Variants in FAM241A observed in about 807,000 individuals in gnomAD.
FAM241A encodes the protein uncharacterized protein FAM241A.
In FAM241A, 7 loss-of-function variants were observed where a neutral mutation model predicts 12.2. The observed-to-expected ratio is 0.58, with a 90% confidence interval of 0.33 to 1.08. The LOEUF (loss-of-function observed/expected upper bound fraction) is 1.08. Ranked by LOEUF, FAM241A falls within the 50% of genes least tolerant of loss-of-function variation. The pLI is 0.04. For missense variants in FAM241A, 161 were observed against 169.7 expected, an observed-to-expected ratio of 0.95 and a Z score of 0.29; for synonymous variants, 74 against 68.2, an observed-to-expected ratio of 1.08 and a Z score of -0.42.
At chr4:112,183,937 T>A (rs1723991773) in intron 1 of FAM241A, among the ~76,000 whole-genome samples, 1 of 152,014 alleles carries the variant, frequency 6.6e-6, no homozygotes, top group African/African-American at 2.4e-5. Flanking sequence ...AACATAAAAT[T>A]GACCCAGTCA....
intron 1 of FAM241A, among the ~76,000 whole-genome samples, chr4:112,152,446 A>G (rs899392534): frequency 1.3e-5 from 2 of 152,214 alleles, no homozygotes; most frequent in African/African-American, 4.8e-5. Flanking sequence ...CTGATAATAG[A>G]TATTCCAATA....
In FAM241A at chr4:112,186,596, G is replaced by A. The variant is rs571155554; in HGVS notation, c.154-97G>A. 3,517 of 1,111,218 alleles carry A rather than the reference G, an allele frequency of 3.2e-3. 10 individuals are homozygous for A. The highest frequency in any genetic ancestry group is 4.1e-3 in the Non-Finnish European group (3,190 of 781,056). 68.8% of individuals were successfully genotyped at this position (1,111,218 alleles called of 1,614,324 possible). Reference sequence around the variant, plus strand: ...CTTGTAGAATAATTATCAGAAGTATGCCCAGCACTTTGGAAGATGAAGAAC... The same window carrying A: ...CTTGTAGAATAATTATCAGAAGTATACCCAGCACTTTGGAAGATGAAGAAC... On this transcript the variant is annotated intron_variant, in intron 1 of 1. Coordinates refer to ENST00000309733, the MANE Select transcript of FAM241A (RefSeq NM_152400.3).
At chr4:112,174,178 C>T (rs1723776585) in intron 1 of FAM241A, among the ~76,000 whole-genome samples, 1 of 152,168 alleles carries the variant, frequency 6.6e-6, no homozygotes, top group South Asian at 2.1e-4. Flanking sequence ...AAGCGAGGCA[C>T]AGCAAGTCCA....
At chr4:112,170,123 T>G (rs935246498) in intron 1 of FAM241A, among the ~76,000 whole-genome samples, 2 of 152,220 alleles carry the variant, frequency 1.3e-5, no homozygotes, top group Non-Finnish European at 2.9e-5. Flanking sequence ...TTCTTTTGGT[T>G]TCTCTATAAC....
At chr4:112,182,504 T>TAA (rs201526548) in intron 1 of FAM241A, among the ~76,000 whole-genome samples, 5 of 144,684 alleles carry the variant, frequency 3.5e-5, no homozygotes, top group Admixed American at 3.5e-4. Context: ...GTTGTAAACT[T>TAA]AAAAAAAAAA....
At chr4:112,166,246 C>T (rs1428762669) in intron 1 of FAM241A, among the ~76,000 whole-genome samples, 3 of 151,198 alleles carry the variant, frequency 2.0e-5, no homozygotes, top group African/African-American at 4.9e-5. Context: ...TTAGTAGAGA[C>T]GGGGTTTCAC....
chr4:112,152,236 A>AT (rs977289473), intron 1 of FAM241A, among the ~76,000 whole-genome samples: 1 of 152,106 alleles, frequency 6.6e-6, no homozygotes, highest in African/African-American at 2.4e-5. Context: ...ATGTCTGGAC[A>AT]TTTTTTTATT....
chr4:112,169,027 T>C (rs777361952), intron 1 of FAM241A, among the ~76,000 whole-genome samples: 3 of 152,212 alleles, frequency 2.0e-5, no homozygotes, highest in Non-Finnish European at 2.9e-5. Flanking sequence ...GGAAAAGATA[T>C]AACAGCATAA....
In FAM241A at chr4:112,189,892, C is replaced by G. The variant is rs1724129170; in HGVS notation, c.*2954C>G. On this transcript the variant is annotated 3_prime_UTR_variant, in exon 2 of 2. Transcript: ENST00000309733. ...TGAAAGCCAGCTGTTAAACATACAT[C>G]AGCACACCCTAGAGGCCACATTCCC... The G allele has an allele frequency of 6.7e-6, 1 of 149,828 alleles. No homozygotes were observed. The highest frequency in any genetic ancestry group is 2.5e-5 in the African/African-American group (1 of 40,454). The allele number at this position is 149,828 out of a possible 1,614,324, so 9.3% of individuals were successfully genotyped here. A position where few individuals can be genotyped will look rare whatever the true frequency, so the allele number is the denominator to read the frequency against.
At chr4:112,183,813 A>C (rs1723989637) in intron 1 of FAM241A, among the ~76,000 whole-genome samples, 1 of 152,132 alleles carries the variant, frequency 6.6e-6, no homozygotes, top group Non-Finnish European at 1.5e-5. Flanking sequence ...ATTACATACT[A>C]AATCGAGGAC....
intron 1 of FAM241A, among the ~76,000 whole-genome samples, chr4:112,155,136 C>T (rs1222830462): frequency 6.6e-6 from 1 of 152,076 alleles, no homozygotes; most frequent in Non-Finnish European, 1.5e-5. Context: ...AAGCCCTTCT[C>T]TTATTTAATT....
chr4:112,160,979 G>A (rs549829465), intron 1 of FAM241A, among the ~76,000 whole-genome samples: 5 of 152,242 alleles, frequency 3.3e-5, no homozygotes, highest in African/African-American at 1.2e-4. Context: ...TTGGGGAAAA[G>A]CTCCAGGACA....
chr4:112,182,361 GT>G (rs1723956862), intron 1 of FAM241A, among the ~76,000 whole-genome samples: 1 of 152,296 alleles, frequency 6.6e-6, no homozygotes, highest in East Asian at 1.9e-4. Context: ...ACTTGTAGTA[GT>G]TTTGTGACAC....
Position 112,145,558 on chromosome 4 carries a change from G to C in FAM241A, c.-23G>C. On this transcript the variant is annotated 5_prime_UTR_variant, in exon 1 of 2. Coordinates refer to ENST00000309733, the MANE Select transcript of FAM241A (RefSeq NM_152400.3). ...GGCGTGGTCCTCCGGCGGCTGTCCG[G>C]GGCGGTAGGAGTTGGCTGCGGGATG... 1 of 1,244,682 alleles carries C rather than the reference G, an allele frequency of 8.0e-7. No individual in the cohort carries two copies. The highest frequency in any genetic ancestry group is 1.0e-6 in the Non-Finnish European group (1 of 992,962). The allele number at this position is 1,244,682 out of a possible 1,614,324, so 77.1% of individuals were successfully genotyped here.
intron 1 of FAM241A, among the ~76,000 whole-genome samples, chr4:112,151,808 T>C (rs1723249714): frequency 6.6e-6 from 1 of 152,212 alleles, no homozygotes; most frequent in African/African-American, 2.4e-5. Flanking sequence ...TACAGCTAAC[T>C]CATGCTAGAG....
In FAM241A at chr4:112,145,724, G is replaced by T. The variant is rs866057160; in HGVS notation, c.144G>T (p.Glu48Asp). The T allele has an allele frequency of 1.3e-5, 15 of 1,195,314 alleles. No homozygotes were observed. Among genetic ancestry groups the T allele is most frequent in the Non-Finnish European group, 2.1e-6 (2 of 964,398 alleles). 74.0% of individuals were successfully genotyped at this position (1,195,314 alleles called of 1,614,324 possible). A position where few individuals can be genotyped will look rare whatever the true frequency, so the allele number is the denominator to read the frequency against. ...GGCGGCGCGGACAGCGGCCGAAGGA[G>T]AGCGAGCAGGTGAGCGCGGGGAGGG... ...SPRRRGQRPKESEQDVEDSQN... is the reference protein window; with the variant it reads ...SPRRRGQRPKDSEQDVEDSQN... The change falls in exon 1 of 2, where the codon GAG (glutamate) becomes GAT (aspartate). Residue 48 changes from glutamate (E) to aspartate (D), a missense_variant. By Grantham distance (45) the Glu-to-Asp change is conservative (BLOSUM62 2). Transcript: ENST00000309733.
chr4:112,175,832 C>A (rs911621024), intron 1 of FAM241A, among the ~76,000 whole-genome samples: 1 of 151,666 alleles, frequency 6.6e-6, no homozygotes, highest in South Asian at 2.1e-4. Context: ...ATGGAGACAT[C>A]TTCAACCAAC....
chr4:112,190,210 G>GGTCT lies in FAM241A; in HGVS notation c.*3275_*3278dup, dbSNP rs1279122440. On this transcript the variant is annotated 3_prime_UTR_variant, in exon 2 of 2. Transcript: ENST00000309733. ...GAGGAAAAATTACAGTATAAGTAAA[G>GGTCT]GTCTGTTGTAATATAGAAAGCTCAA... 1 of 152,136 alleles carries GGTCT rather than the reference G, an allele frequency of 6.6e-6. No homozygotes were observed. The highest frequency in any genetic ancestry group is 1.5e-5 in the Non-Finnish European group (1 of 68,020). The allele number at this position is 152,136 out of a possible 1,614,324, so 9.4% of individuals were successfully genotyped here. A position where few individuals can be genotyped will look rare whatever the true frequency, so the allele number is the denominator to read the frequency against.
chr4:112,184,384 C>T (rs1360147714), intron 1 of FAM241A, among the ~76,000 whole-genome samples: 1 of 152,120 alleles, frequency 6.6e-6, no homozygotes, highest in African/African-American at 2.4e-5. Context: ...AAAAGATTAG[C>T]CAGGCATGGT....
Sources: allele counts gnomAD v4.1 joint callset (sites outside exome capture counted in the v4.1 genomes callset), GRCh38; gene constraint gnomAD v4.1.1; transcripts MANE v1.5; gene names NCBI Gene and HGNC (gene_info 2026-07-23, HGNC 2026-07-21).